CROCC2: variants seen among roughly 807,000 people sequenced by gnomAD.
CROCC2 encodes ciliary rootlet coiled-coil, rootletin family member 2.
Under a neutral mutation model 177.6 loss-of-function variants are expected in CROCC2, and 163 were observed. The observed-to-expected ratio is 0.92, with a 90% CI of 0.81 to 1.05. The LOEUF (loss-of-function observed/expected upper bound fraction) is 1.05, where lower values mean the gene tolerates loss of function less well. Ranked by LOEUF, CROCC2 falls within the 50% of genes least tolerant of loss-of-function variation. The pLI is 0.00. For missense variants in CROCC2, 1,929 were observed against 1,797.8 expected (o/e 1.07, Z -1.32); for synonymous variants, 904 against 787.3 (o/e 1.15, Z -2.48).
At chr2:240,988,025 CTT>C (rs1456897592) in intron 28 of CROCC2, among the ~76,000 whole-genome samples, 2 of 152,216 alleles carry the variant, frequency 1.3e-5, no homozygotes, top group East Asian at 1.9e-4. Context: ...AGAGAGAACT[CTT>C]AGATTCAATC....
At chr2:240,936,147 T>C (rs2059468835) in intron 14 of CROCC2, among the ~76,000 whole-genome samples, 1 of 152,194 alleles carries the variant, frequency 6.6e-6, no homozygotes, top group Admixed American at 6.5e-5. Flanking sequence ...CAACCCTCCT[T>C]CCGTTTTCAG....
intron 5 of CROCC2, among the ~76,000 whole-genome samples, chr2:240,928,639 T>A (rs902685839): frequency 2.6e-5 from 4 of 152,236 alleles, no homozygotes; most frequent in African/African-American, 9.6e-5. Context: ...TGTCTCAGCC[T>A]GCTCTTGTGA....
rs75494813 is a variant in CROCC2, at chr2:240,931,117, G to A, written c.936G>A (p.Ala312=). Reference sequence around the variant, plus strand: ...GCCGCTGGGACGCAGAGAAGGTGGCGCTCCAGGCCAGGTGGGCGCCCAGGG... The same window carrying A: ...GCCGCTGGGACGCAGAGAAGGTGGCACTCCAGGCCAGGTGGGCGCCCAGGG... ...LQGRWDAEKV[A]LQARLSEQTL... Residue 312 remains alanine (A), a synonymous_variant, in exon 7 of 32, where the codon GCG becomes GCA. Coordinates refer to ENST00000690015, the MANE Select transcript of CROCC2 (RefSeq NM_001351305.2). 16,200 of 712,804 alleles carry A rather than the reference G, an allele frequency of 0.023. 997 individuals are homozygous for A. Among genetic ancestry groups the A allele is most frequent in the East Asian group, 0.18 (6,561 of 37,184 alleles). The allele number at this position is 712,804 out of a possible 1,614,324, so 44.2% of individuals were successfully genotyped here. A position where few individuals can be genotyped will look rare whatever the true frequency, so the allele number is the denominator to read the frequency against.
At position 240,931,064 on chromosome 2, in the gene CROCC2, A is replaced by G; in HGVS notation, c.883A>G (p.Lys295Glu). The change falls in exon 7 of 32, where the codon AAG (lysine) becomes GAG (glutamate). Residue 295 changes from lysine to glutamate, a missense_variant. Physicochemically the swap from Lys to Glu is moderately conservative, Grantham distance 56 (BLOSUM62 1). Around this residue, in one of 3 missense-constraint regions of CROCC2, gnomAD observed 1,397 missense variants for 1,239.9 expected, o/e 1.13. Transcript: ENST00000690015. The part of the protein sequence containing the change: ...ASTLGQQLRD[K>E]AGEMLQLQGR... ...CACCCTGGGGCAGCAGCTTCGGGAC[A>G]AGGCTGGGGAGATGCTGCAGCTGCA... The G allele has an allele frequency of 1.4e-6, 1 of 716,498 alleles. No homozygotes were observed. The highest frequency in any genetic ancestry group is 2.6e-6 in the Non-Finnish European group (1 of 384,654). The allele number at this position is 716,498 out of a possible 1,614,324, so 44.4% of individuals were successfully genotyped here.
chr2:240,971,570 T>C (rs2059721120), intron 27 of CROCC2, among the ~76,000 whole-genome samples: 3 of 152,310 alleles, frequency 2.0e-5, no homozygotes, highest in Middle Eastern at 3.4e-3. Flanking sequence ...GCCAGAGGCC[T>C]CCTTGTTTTT....
rs1574777747 is a variant in CROCC2 at position 240,959,215 on chromosome 2, T to A, written c.2944-86T>A. ...CCCCCTCCCAGGCCACTGCAACACC[T>A]CTCTCTCCAGGGTCCTGGCCTTACC... is the stretch of plus-strand genomic sequence containing the variant. On this transcript the variant is annotated intron_variant, in intron 19 of 31. Transcript: ENST00000690015. The A allele has an allele frequency of 4.9e-6, 7 of 1,417,280 alleles. No individual in the cohort carries two copies. In the East Asian group the frequency reaches 1.9e-4, roughly 38 times the overall value. 87.8% of individuals were successfully genotyped at this position (1,417,280 alleles called of 1,614,324 possible).
chr2:240,964,146 T>C, intron 21 of CROCC2: 1 of 534,932 alleles, frequency 1.9e-6, no homozygotes, highest in Non-Finnish European at 3.4e-6. Context: ...GGCACAGCCC[T>C]CACAGCAGGT....
intron 1 of CROCC2, among the ~76,000 whole-genome samples, chr2:240,912,708 C>G (rs1310918504): frequency 6.6e-6 from 1 of 152,204 alleles, no homozygotes; most frequent in Admixed American, 6.5e-5. Flanking sequence ...GTGATCAGCT[C>G]CAGAGACAGC....
intron 8 of CROCC2, 71 bp downstream of exon 8, chr2:240,932,485 C>A (rs571386794): frequency 2.5e-5 from 18 of 712,504 alleles, no homozygotes; most frequent in Non-Finnish European, 4.5e-5. Context: ...TCCCCTGCCA[C>A]AGGAAGCCTG....
chr2:240,957,701 A>G (rs1481657776), intron 19 of CROCC2: 2 of 152,306 alleles, frequency 1.3e-5, no homozygotes, highest in African/African-American at 4.8e-5. Flanking sequence ...CCCTTCAAGC[A>G]GGGCTGCCCA....
chr2:240,961,027 C>T (rs2059629218), intron 20 of CROCC2, among the ~76,000 whole-genome samples: 1 of 151,108 alleles, frequency 6.6e-6, no homozygotes. Context: ...AGGAGCAGAA[C>T]AGAGCAGGGT....
At chr2:240,968,350 C>T (rs2059698897) in intron 27 of CROCC2, 88 bp downstream of exon 27, 2 of 1,395,164 alleles carry the variant, frequency 1.4e-6, no homozygotes, top group South Asian at 3.0e-5. Context: ...GGCCACAGGG[C>T]CGGGAGGTGG....
At chr2:240,950,576 C>A in intron 18 of CROCC2, 66 bp downstream of exon 18, 1 of 1,480,074 alleles carries the variant, frequency 6.8e-7, no homozygotes, top group Non-Finnish European at 9.1e-7. Context: ...TCTGGCCCAG[C>A]ACAAGGGCTG....
At chr2:240,968,096 G>A (rs2059695919) in intron 26 of CROCC2, 33 bp from the exon 27 acceptor site, 3 of 1,404,270 alleles carry the variant, frequency 2.1e-6, no homozygotes, top group Non-Finnish European at 2.8e-6. Flanking sequence ...GAGGGGCATG[G>A]GGGCCCCTCA....
chr2:240,946,213 A>T lies in CROCC2; in HGVS notation c.2323A>T (p.Arg775Trp). 1 of 1,543,534 alleles carries T rather than the reference A, an allele frequency of 6.5e-7. No individual in the cohort carries two copies. Among genetic ancestry groups the T allele is most frequent in the South Asian group, 1.2e-5 (1 of 83,824 alleles). Residue 775 changes from arginine to tryptophan, a missense_variant, in exon 15 of 32, where the codon AGG (arginine) becomes TGG (tryptophan). Physicochemically the swap from Arg to Trp is moderately radical, Grantham distance 101. Coordinates refer to ENST00000690015, the MANE Select transcript of CROCC2 (RefSeq NM_001351305.2). ...GCTGGCCAAGCAGGAGGCCTTGGAG[A>T]GGCAGGGCCGGCTCGCAGCTGAAGA... ...QLLAKQEALERQGRLAAEEAA... is the reference protein window; with the variant it reads ...QLLAKQEALEWQGRLAAEEAA...
chr2:240,929,704 G>A (rs866950771), intron 5 of CROCC2: 6 of 457,250 alleles, frequency 1.3e-5, no homozygotes, highest in Middle Eastern at 3.5e-4. Context: ...AGAGTAAGGA[G>A]AAAGACTGTA....
intron 14 of CROCC2, among the ~76,000 whole-genome samples, chr2:240,939,208 T>C (rs576933004): frequency 6.6e-6 from 1 of 152,250 alleles, no homozygotes; most frequent in South Asian, 2.1e-4. Context: ...TTTTAAAAAA[T>C]TATAAATGGG....
chr2:240,918,577 G>A lies in CROCC2; in HGVS notation c.79-149G>A, dbSNP rs1487022247. 4 of 427,324 alleles carry A rather than the reference G, an allele frequency of 9.4e-6. No individual in the cohort carries two copies. The highest frequency in any genetic ancestry group is 3.5e-5 in the East Asian group (1 of 28,268). The allele number at this position is 427,324 out of a possible 1,614,324, so 26.5% of individuals were successfully genotyped here. ...GTGCAGAACCAAGGCATGCGCCTGA[G>A]TGACCTGCCCAGCCTCACCCTGTCC... On this transcript the variant is annotated intron_variant, in intron 1 of 31. Coordinates refer to ENST00000690015, the MANE Select transcript of CROCC2 (RefSeq NM_001351305.2). The surrounding 1 kb of genome is among the most constrained non-coding windows in gnomAD (Gnocchi z 6.3).
rs1274538397 is a variant in CROCC2, at chr2:240,988,780, G to C, written c.4593G>C (p.Arg1531Ser). 2.6e-5 allele frequency: 39 copies of C among 1,512,480 alleles called. No individual in the cohort carries two copies. The highest frequency in any genetic ancestry group is 3.5e-5 in the Non-Finnish European group (39 of 1,124,288). 93.7% of individuals were successfully genotyped at this position (1,512,480 alleles called of 1,614,324 possible). Reference sequence around the variant, plus strand: ...TGAAGAGGGAGGAGGATGTGGCGAGGCTGGGGGCTGAGAAGGAGCAGCTGG... The same window carrying C: ...TGAAGAGGGAGGAGGATGTGGCGAGCCTGGGGGCTGAGAAGGAGCAGCTGG... ...ETLKREEDVARLGAEKEQLDQ... is the reference protein window; with the variant it reads ...ETLKREEDVASLGAEKEQLDQ... The change falls in exon 29 of 32, where the codon AGG (arginine) becomes AGC (serine). Residue 1531 changes from arginine (R) to serine (S), a missense_variant. Physicochemically the swap from Arg to Ser is moderately radical, Grantham distance 110. This residue lies in a region of CROCC2 where 388 missense variants were observed against 352.7 expected (regional missense o/e 1.10). Transcript: ENST00000690015.
Sources: gnomAD v4.1 joint callset for allele counts (sites outside exome capture counted in the v4.1 genomes callset) on GRCh38, gnomAD v4.1.1 for gene constraint, gnomAD v4.1.1 regional missense constraint, Gnocchi (gnomAD v3.1) non-coding constraint, MANE v1.5 for transcripts, NCBI Gene and HGNC (gene_info 2026-07-23, HGNC 2026-07-21) for gene names.